Variants in LAMA5 observed in about 807,000 individuals in gnomAD.
LAMA5 encodes the protein laminin subunit alpha-5.
A neutral mutation model predicts 433.4 loss-of-function variants in LAMA5; 260 were observed. The ratio of observed to expected loss-of-function variants is 0.60; its 90% confidence interval spans 0.54 to 0.66. The LOEUF (loss-of-function observed/expected upper bound fraction) is 0.66. LAMA5 is among the 30% of genes least tolerant of loss of function. The pLI, the probability that LAMA5 is intolerant of heterozygous loss-of-function variation, is 0.00. For synonymous variants in LAMA5, 2,620 were observed against 2,226.6 expected, an observed-to-expected ratio of 1.18 and a Z score of -4.97; for missense variants, 5,378 against 5,258.5, an observed-to-expected ratio of 1.02 and a Z score of -0.70.
intron 3 of LAMA5, 148 bp downstream of exon 3, chr20:62,352,986 T>C: frequency 1.6e-6 from 1 of 606,074 alleles, no homozygotes; most frequent in Non-Finnish European, 2.9e-6. Context: ...CCATGAGCCT[T>C]CGGGTCCTCG....
At chr20:62,356,313 C>T (rs1460773250) in intron 2 of LAMA5, 2 of 152,518 alleles carry the variant, frequency 1.3e-5, no homozygotes, top group African/African-American at 4.8e-5. Flanking sequence ...CAGGGCCACA[C>T]CGGCCGCCCT....
intron 11 of LAMA5, among the ~76,000 whole-genome samples, chr20:62,344,982 G>A (rs1446302971): frequency 4.6e-5 from 7 of 152,158 alleles, no homozygotes; most frequent in Non-Finnish European, 8.8e-5. Context: ...GCATTCAAGC[G>A]CTGTGCAGAG....
intron 51 of LAMA5, 175 bp from the exon 52 acceptor site, chr20:62,319,188 T>G: frequency 1.6e-6 from 1 of 619,596 alleles, no homozygotes; most frequent in Non-Finnish European, 2.8e-6. Context: ...CTGCCTCACC[T>G]GCCCGGCCCT....
chr20:62,364,906 C>T (rs1317581498), intron 1 of LAMA5, among the ~76,000 whole-genome samples: 3 of 152,262 alleles, frequency 2.0e-5, no homozygotes, highest in Admixed American at 6.5e-5. Context: ...GATGGAGCTG[C>T]GGCTTCATCG....
In LAMA5 at chr20:62,327,615, C is replaced by T. The variant is rs776479709; in HGVS notation, c.4852G>A (p.Asp1618Asn). 2.5e-6 allele frequency: 4 copies of T among 1,613,158 alleles called. No individual in the cohort carries two copies. The highest frequency in any genetic ancestry group is 3.4e-6 in the Non-Finnish European group (4 of 1,180,022). Residue 1618 changes from aspartate to asparagine, a missense_variant, in exon 37 of 80, where the codon GAT becomes AAT. Coordinates refer to ENST00000252999, the MANE Select transcript of LAMA5 (RefSeq NM_005560.6). ...GTGCAACCTTTGGGGTTGGCAGCAT[C>T]CAGTGAGAAGGTCCCAAGGCTGCAC... is the stretch of plus-strand genomic sequence containing the variant. The part of the protein sequence containing the change: ...DQCSLGTFSL[D>N]AANPKGCTRC...
Position 62,327,570 on chromosome 20 carries a change from C to A in LAMA5, c.4897G>T (p.Ala1633Ser), listed in dbSNP as rs1235384284. Residue 1633 changes from alanine to serine, a missense_variant, in exon 37 of 80, where the codon GCC (alanine) becomes TCC (serine). Ala to Ser is a moderately conservative substitution (Grantham distance 99). Transcript: ENST00000252999. ...GACGAGCTCCGGCAGCGCTCCGTGGCCCCAAAGCAGAAGCAGCGGGTGCAA... is the reference window on the plus strand; with the variant it reads ...GACGAGCTCCGGCAGCGCTCCGTGGACCCAAAGCAGAAGCAGCGGGTGCAA... ...KGCTRCFCFG[A>S]TERCRSSSYT... 6.2e-7 allele frequency: 1 copy of A among 1,612,908 alleles called. No individual in the cohort carries two copies. The highest frequency in any genetic ancestry group is 8.5e-7 in the Non-Finnish European group (1 of 1,180,002).
chr20:62,311,404 C>T lies in LAMA5; in HGVS notation c.9939G>A (p.Arg3313=), dbSNP rs1188594863. The T allele has an allele frequency of 1.3e-6, 2 of 1,560,258 alleles. No homozygotes were observed. Among genetic ancestry groups the T allele is most frequent in the Non-Finnish European group, 1.7e-6 (2 of 1,151,004 alleles). Residue 3313 remains arginine (R), a synonymous_variant, in exon 72 of 80, where the codon CGG becomes CGA. Coordinates refer to ENST00000252999, the MANE Select transcript of LAMA5 (RefSeq NM_005560.6). ...TGCTCACCCCTGGGGTGCCCACCTT[C>T]CGGGCGGTGGCCTGCAGTCCTCTAG... ...LGPRGLQATA[R]KASRRSRQPA... is the part of the protein sequence containing the mutation.
In LAMA5 at chr20:62,346,914, C is replaced by T. The variant is rs571919467; in HGVS notation, c.1071G>A (p.Gln357=). The T allele has an allele frequency of 1.7e-5, 27 of 1,612,890 alleles. No individual in the cohort carries two copies. The highest frequency in any genetic ancestry group is 2.0e-5 in the Non-Finnish European group (24 of 1,179,810). ...PATANSANEC[Q]SCNCYGHATD... ...ACGTGTGTGGGAGGAGGCACTCACA[C>T]TGGCACTCGTTGGCACTGTTGGCAG... Residue 357 remains glutamine, a splice_region_variant and synonymous_variant, in exon 7 of 80, where the codon CAG becomes CAA. Coordinates refer to ENST00000252999, the MANE Select transcript of LAMA5 (RefSeq NM_005560.6).
chr20:62,319,430 G>A (rs749987515), intron 51 of LAMA5, among the ~76,000 whole-genome samples: 6 of 152,204 alleles, frequency 3.9e-5, no homozygotes, highest in Admixed American at 6.5e-5. Flanking sequence ...ATCTGTGAGC[G>A]CGAACATCTA....
At position 62,352,374 on chromosome 20, in the gene LAMA5, C is replaced by CGGGAG. The variant is rs1568976109; in HGVS notation, c.569-19_569-15dup. 2.5e-6 allele frequency: 4 copies of CGGGAG among 1,587,200 alleles called. No homozygotes were observed. Among genetic ancestry groups the CGGGAG allele is most frequent in the East Asian group, 2.2e-5 (1 of 44,716 alleles). ...CCCTCTTGGAGGCTGCGGGGAATGG[C>CGGGAG]GGGAGGGGAGGGCGCTGGATCACCA... On this transcript the variant is annotated splice_polypyrimidine_tract_variant and intron_variant, in intron 3 of 79. Coordinates refer to ENST00000252999, the MANE Select transcript of LAMA5 (RefSeq NM_005560.6).
At chr20:62,314,217 G>GGCGA in intron 62 of LAMA5, 87 bp downstream of exon 62, 3 of 1,489,346 alleles carry the variant, frequency 2.0e-6, no homozygotes, top group Admixed American at 1.8e-5. Flanking sequence ...GGTGAAGGGT[G>GGCGA]GTGGGTGCAC....
At chr20:62,316,104 A>G in intron 57 of LAMA5, 46 bp from the exon 58 acceptor site, 1 of 1,351,500 alleles carries the variant, frequency 7.4e-7, no homozygotes, top group Non-Finnish European at 1.0e-6. Context: ...CACCCCCAGT[A>G]TACAATTGCA....
rs143600649 is a variant in LAMA5 at position 62,322,773 on chromosome 20, C to T, written c.6065-15G>A. 1.7e-5 allele frequency: 25 copies of T among 1,448,030 alleles called. No individual in the cohort carries two copies. Among genetic ancestry groups the T allele is most frequent in the Admixed American group, 1.2e-4 (5 of 40,180 alleles). The allele number at this position is 1,448,030 out of a possible 1,614,324, so 89.7% of individuals were successfully genotyped here. A position where few individuals can be genotyped will look rare whatever the true frequency, so the allele number is the denominator to read the frequency against. ...ACAGTCGCACCCTGCAGAAGGGGTC[C>T]GTGACTGCAGCCCTGGGCCCTCTCA... On this transcript the variant is annotated splice_polypyrimidine_tract_variant and intron_variant, in intron 45 of 79. Transcript: ENST00000252999.
At position 62,314,329 on chromosome 20, in the gene LAMA5, G is replaced by A. The variant is rs117480847; in HGVS notation, c.8479C>T (p.Gln2827Ter). ...VLSIDEDIGE[Q>*]FAAVSLDRTL... ...CTGTCCAGGCTGACAGCTGCGAACT[G>A]CTCCCCAATGTCCTCATCGATGCTT... The change falls in exon 62 of 80, where the codon CAG (glutamine) becomes TAG (stop). Residue 2827 changes from glutamine (Q) to a stop codon, truncating the protein, a stop_gained. Coordinates refer to ENST00000252999, the MANE Select transcript of LAMA5 (RefSeq NM_005560.6). LOFTEE classifies it high-confidence loss of function. The A allele has an allele frequency of 1.9e-6, 3 of 1,613,106 alleles. No homozygotes were observed. The highest frequency in any genetic ancestry group is 2.5e-6 in the Non-Finnish European group (3 of 1,179,876).
At chr20:62,320,503 C>T (rs1177689029) in intron 50 of LAMA5, 56 bp downstream of exon 50, 23 of 1,348,744 alleles carry the variant, frequency 1.7e-5, no homozygotes, top group East Asian at 1.5e-4. Flanking sequence ...ACAAGCGAAC[C>T]GCGGGGAACA....
At chr20:62,312,833 G>T in intron 66 of LAMA5, 53 bp from the exon 67 acceptor site, 2 of 1,601,510 alleles carry the variant, frequency 1.2e-6, no homozygotes, top group Non-Finnish European at 1.7e-6. Flanking sequence ...GGCCTGCCCC[G>T]CCCCCATCGT....
chr20:62,326,602 C>G, intron 40 of LAMA5, 75 bp downstream of exon 40: 1 of 1,240,178 alleles, frequency 8.1e-7, no homozygotes, highest in South Asian at 1.3e-5. Flanking sequence ...CACAGCAGCA[C>G]TGGGACCCCT....
At chr20:62,355,633 TCATC>T (rs1985084775) in intron 2 of LAMA5, among the ~76,000 whole-genome samples, 1 of 151,720 alleles carries the variant, frequency 6.6e-6, no homozygotes, top group African/African-American at 2.4e-5. Flanking sequence ...GGCTCTGAGG[TCATC>T]GTCTACCTCC....
At position 62,334,932 on chromosome 20, in the gene LAMA5, G is replaced by C; in HGVS notation, c.2482+89C>G. 6.4e-6 allele frequency: 8 copies of C among 1,252,732 alleles called. No individual in the cohort carries two copies. In the South Asian group the frequency reaches 1.0e-4, roughly 16 times the overall value. 77.6% of individuals were successfully genotyped at this position (1,252,732 alleles called of 1,614,324 possible). ...ATCACCCGGGCTTCATGCTGCCCAG[G>C]CTGCACTTGTCCCTCCGGGCCTTGG... On this transcript the variant is annotated intron_variant, in intron 20 of 79. Transcript: ENST00000252999.
Sources: allele counts gnomAD v4.1 joint callset (sites outside exome capture counted in the v4.1 genomes callset), GRCh38; gene constraint gnomAD v4.1.1; transcripts MANE v1.5; gene names NCBI Gene and HGNC (gene_info 2026-07-23, HGNC 2026-07-21).